SETX: variants seen among roughly 807,000 people sequenced by gnomAD.
SETX encodes senataxin.
In SETX, 90 loss-of-function variants were observed where a neutral mutation model predicts 227.2. The ratio of observed to expected loss-of-function variants is 0.40; its 90% CI spans 0.33 to 0.47. The LOEUF (loss-of-function observed/expected upper bound fraction) is 0.47, where lower values mean the gene tolerates loss of function less well. SETX is among the 20% of genes least tolerant of loss of function. The pLI is 0.91. For synonymous variants in SETX, 1,210 were observed against 1,113.2 expected (o/e 1.09, Z -1.73); for missense variants, 3,052 against 3,181.5 (o/e 0.96, Z 0.98).
chr9:132,303,636 A>C (rs1845157155), intron 11 of SETX, among the ~76,000 whole-genome samples: 1 of 152,070 alleles, frequency 6.6e-6, no homozygotes, highest in Non-Finnish European at 1.5e-5. Flanking sequence ...ACTTGTCTCC[A>C]GAATATATAA....
intron 5 of SETX, 152 bp from the exon 6 acceptor site, chr9:132,336,667 G>T: frequency 1.5e-6 from 1 of 681,622 alleles, no homozygotes; most frequent in East Asian, 2.7e-5. Context: ...ATCCTGATTT[G>T]AACATACTAA....
Position 132,262,297 on chromosome 9 carries a change from AGACATCCT to A in SETX, c.*1934_*1941del, listed in dbSNP as rs1407998601. 1 of 152,222 alleles carries A rather than the reference AGACATCCT, an allele frequency of 6.6e-6. No homozygotes were observed. The highest frequency in any genetic ancestry group is 6.5e-5 in the Admixed American group (1 of 15,270). The allele number at this position is 152,222 out of a possible 1,614,324, so 9.4% of individuals were successfully genotyped here. ...ATAGTATTAACATGAGCAGCGTGAG[AGACATCCT>A]GACCCCAACGTTTTTGCCATGCCTC... is the stretch of plus-strand genomic sequence containing the variant. On this transcript the variant is annotated 3_prime_UTR_variant, in exon 26 of 26. Coordinates refer to ENST00000224140, the MANE Select transcript of SETX (RefSeq NM_015046.7).
At chr9:132,297,941 A>C (rs955959369) in intron 13 of SETX, 139 bp downstream of exon 13, 8 of 734,228 alleles carry the variant, frequency 1.1e-5, no homozygotes, top group Middle Eastern at 7.1e-4. Flanking sequence ...ATACTTTGCA[A>C]TACTAAAGAA....
chr9:132,352,443 T>C (rs1445196468), intron 2 of SETX, among the ~76,000 whole-genome samples: 1 of 152,192 alleles, frequency 6.6e-6, no homozygotes, highest in African/African-American at 2.4e-5. Flanking sequence ...CTGCCCAGAC[T>C]GAGAATGTAT....
intron 23 of SETX, among the ~76,000 whole-genome samples, chr9:132,272,559 T>C (rs1842953901): frequency 6.6e-6 from 1 of 151,800 alleles, no homozygotes; most frequent in African/African-American, 2.4e-5. Context: ...CAAGCAATCC[T>C]CCTTGCCTCA....
intron 2 of SETX, among the ~76,000 whole-genome samples, chr9:132,351,869 C>G (rs1320059986): frequency 6.6e-6 from 1 of 152,182 alleles, no homozygotes; most frequent in African/African-American, 2.4e-5. Flanking sequence ...CCAGACAATA[C>G]TCAAGTTGCA....
Position 132,277,095 on chromosome 9 carries a change from A to G in SETX, c.6900T>C (p.Phe2300=). The G allele has an allele frequency of 6.2e-7, 1 of 1,614,082 alleles. No homozygotes were observed. Among genetic ancestry groups the G allele is most frequent in the Non-Finnish European group, 8.5e-7 (1 of 1,180,014 alleles). The change falls in exon 22 of 26, where the codon TTT becomes TTC. Residue 2300 remains phenylalanine (F), a synonymous_variant. Transcript: ENST00000224140. ...GTCTTTCTGAACCATCTCCAACATC[A>G]AACACAAGGTATGGCTGAAATGGCC... The part of the protein sequence containing the change: ...SDWPFQPYLV[F]DVGDGSERRD...
rs1842518130 is a variant in SETX, at chr9:132,264,334, C to A, written c.7939G>T (p.Gly2647Cys). The change falls in exon 26 of 26, where the codon GGT becomes TGT. Residue 2647 changes from glycine to cysteine, a missense_variant. Around this residue, in one of 10 missense-constraint regions of SETX, gnomAD observed 294 missense variants for 278.8 expected, o/e 1.05. Transcript: ENST00000224140. ...AFSEGEQEKC[G>C]SETHHTRRNS... is the part of the protein sequence containing the mutation. The stretch of plus-strand genomic sequence containing the variant: ...CTCCTGGTGTGATGGGTCTCGGAAC[C>A]ACACTTCTCCTGCTCCCCTTCACTG... 6.2e-7 allele frequency: 1 copy of A among 1,614,066 alleles called. No individual in the cohort carries two copies. Among genetic ancestry groups the A allele is most frequent in the Non-Finnish European group, 8.5e-7 (1 of 1,180,058 alleles).
In SETX at chr9:132,327,648, A is replaced by T; in HGVS notation, c.3950T>A (p.Val1317Asp). 6.2e-7 allele frequency: 1 copy of T among 1,613,954 alleles called. No homozygotes were observed. The highest frequency in any genetic ancestry group is 8.5e-7 in the Non-Finnish European group (1 of 1,179,976). Reference sequence around the variant, plus strand: ...CTTTTTTCGGGTATCAACTACTCCAACAGTTTTGCCATGATCACGTAATTG... The same window carrying T: ...CTTTTTTCGGGTATCAACTACTCCATCAGTTTTGCCATGATCACGTAATTG... ...VAQLRDHGKT[V>D]GVVDTRKKTK... is the part of the protein sequence containing the mutation. The change falls in exon 10 of 26, where the codon GTT (valine) becomes GAT (aspartate). Residue 1317 changes from valine (V) to aspartate (D), a missense_variant. Coordinates refer to ENST00000224140, the MANE Select transcript of SETX (RefSeq NM_015046.7).
chr9:132,349,378 G>C lies in SETX; in HGVS notation c.51C>G (p.Phe17Leu). 2 of 1,614,168 alleles carry C rather than the reference G, an allele frequency of 1.2e-6. No individual in the cohort carries two copies. Among genetic ancestry groups the C allele is most frequent in the Non-Finnish European group, 1.7e-6 (2 of 1,180,046 alleles). The stretch of plus-strand genomic sequence containing the variant: ...GAGTGTTGGAAGCATAGCGCTTTAG[G>C]AAGTCAATGGTGGAAGCACCACCTG... ...CTPGGASTIDFLKRYASNTPS... is the reference protein window; with the variant it reads ...CTPGGASTIDLLKRYASNTPS... The change falls in exon 3 of 26, where the codon TTC becomes TTG. Residue 17 changes from phenylalanine (F) to leucine (L), a missense_variant. This residue lies in a region of SETX where 152 missense variants were observed against 156.2 expected (regional missense o/e 0.97). Transcript: ENST00000224140.
At position 132,327,720 on chromosome 9, in the gene SETX, G is replaced by C; in HGVS notation, c.3878C>G (p.Pro1293Arg). Residue 1293 changes from proline to arginine, a missense_variant, in exon 10 of 26, where the codon CCT becomes CGT. Physicochemically the swap from Pro to Arg is moderately radical, Grantham distance 103 (BLOSUM62 -2). Around this residue, in one of 10 missense-constraint regions of SETX, gnomAD observed 1,483 missense variants for 1,312.0 expected, o/e 1.13. Coordinates refer to ENST00000224140, the MANE Select transcript of SETX (RefSeq NM_015046.7). ...TAEKLGLKKG[P>R]RKAYELSQRS... Reference sequence around the variant, plus strand: ...CTGGGACAACTCATATGCCTTACGAGGACCCTTTTTCAGGCCAAGTTTCTC... The same window carrying C: ...CTGGGACAACTCATATGCCTTACGACGACCCTTTTTCAGGCCAAGTTTCTC... 1.9e-6 allele frequency: 3 copies of C among 1,614,116 alleles called. No individual in the cohort carries two copies. The highest frequency in any genetic ancestry group is 1.7e-6 in the Non-Finnish European group (2 of 1,180,026).
At chr9:132,310,949 A>G (rs1056571825) in intron 11 of SETX, among the ~76,000 whole-genome samples, 9 of 152,118 alleles carry the variant, frequency 5.9e-5, no homozygotes, top group Non-Finnish European at 8.8e-5. Context: ...CATGTAACAT[A>G]TAATTGTAGT....
In SETX at chr9:132,295,994, T is replaced by C. The variant is rs754816833; in HGVS notation, c.5984A>G (p.Asn1995Ser). ...GACACGGTTTTGTTTGATTTTGGCA[T>C]TGGAGTTTTCGTCTGAATGCCCCTT... The part of the protein sequence containing the change: ...QRKGHSDENS[N>S]AKIKQNRVLV... Residue 1995 changes from asparagine to serine, a missense_variant, in exon 15 of 26, where the codon AAT (asparagine) becomes AGT (serine). Physicochemically the swap from Asn to Ser is conservative, Grantham distance 46 (BLOSUM62 1). This residue lies in a region of SETX where 412 missense variants were observed against 589.0 expected (regional missense o/e 0.70). Coordinates refer to ENST00000224140, the MANE Select transcript of SETX (RefSeq NM_015046.7). 8 of 1,614,238 alleles carry C rather than the reference T, an allele frequency of 5.0e-6. No homozygotes were observed. Among genetic ancestry groups the C allele is most frequent in the South Asian group, 1.1e-5 (1 of 91,084 alleles).
At chr9:132,269,825 C>T (rs1564469381) in intron 24 of SETX, 123 bp from the exon 25 acceptor site, 1 of 963,856 alleles carries the variant, frequency 1.0e-6, no homozygotes, top group Non-Finnish European at 1.7e-6. Context: ...TCTTGAATGA[C>T]TCAGTGAGCC....
intron 11 of SETX, among the ~76,000 whole-genome samples, chr9:132,303,287 T>C (rs1246205325): frequency 6.8e-6 from 1 of 147,292 alleles, no homozygotes; most frequent in African/African-American, 2.5e-5. Flanking sequence ...CCTCCTAAAG[T>C]GCTGAGATTA....
chr9:132,282,928 C>T, intron 19 of SETX: 7 of 355,592 alleles, frequency 2.0e-5, no homozygotes, highest in South Asian at 1.4e-4. Context: ...ATCAGGTGAA[C>T]ATACTGTGGC....
At chr9:132,295,661 T>C (rs1657212174) in intron 15 of SETX, among the ~76,000 whole-genome samples, 1 of 152,218 alleles carries the variant, frequency 6.6e-6, no homozygotes, top group Non-Finnish European at 1.5e-5. Flanking sequence ...GTGTGTCTCC[T>C]TGAAGACTTC....
chr9:132,336,476 T>C lies in SETX; in HGVS notation c.538A>G (p.Lys180Glu). The change falls in exon 6 of 26, where the codon AAA becomes GAA. Residue 180 changes from lysine (K) to glutamate (E), a missense_variant. Transcript: ENST00000224140. ...WAILTARNLGKVDRDDYYDLQ... is the reference protein window; with the variant it reads ...WAILTARNLGEVDRDDYYDLQ... ...TCATAATAATCATCTCTGTCCACTT[T>C]CCCCAAGTTTCTTGCAGTCAAGATA... The C allele has an allele frequency of 6.2e-7, 1 of 1,614,150 alleles. No homozygotes were observed. Among genetic ancestry groups the C allele is most frequent in the Non-Finnish European group, 8.5e-7 (1 of 1,180,028 alleles).
intron 11 of SETX, among the ~76,000 whole-genome samples, chr9:132,309,931 A>G (rs1308662511): frequency 6.6e-6 from 1 of 152,212 alleles, no homozygotes; most frequent in Non-Finnish European, 1.5e-5. Context: ...ACAATAAAAG[A>G]CTGATGTATT....
Sources: allele counts gnomAD v4.1 joint callset (sites outside exome capture counted in the v4.1 genomes callset), GRCh38; gene constraint gnomAD v4.1.1; regional missense constraint gnomAD v4.1.1; transcripts MANE v1.5; gene names NCBI Gene and HGNC (gene_info 2026-07-23, HGNC 2026-07-21).